The following NSD3 variants were observed in gnomAD, a reference collection of about 807,000 sequenced individuals.
NSD3 encodes nuclear receptor binding SET domain protein 3.
In NSD3, 24 loss-of-function variants were observed where a neutral mutation model predicts 160.8. That is an observed-to-expected ratio of 0.15 (90% CI 0.11 to 0.21). The LOEUF is 0.21. Among genes scored for constraint, NSD3 ranks in the 10% least tolerant of loss-of-function variants. NSD3 has a pLI of 1.00. For synonymous variants in NSD3, 520 were observed against 600.0 expected (o/e 0.87, Z 1.95); for missense variants, 1,157 against 1,735.9 (o/e 0.67, Z 5.93).
rs1183933623 is a variant in NSD3 at position 38,319,501 on chromosome 8, A to C, written c.1810-561T>G. ...ACAAACTTAAGAAAATAAGTTTGTG[A>C]TATTGCAAAAGCACTTTCTTGAGTG... is the stretch of plus-strand genomic sequence containing the variant. On this transcript the variant is annotated intron_variant, in intron 8 of 23. Transcript: ENST00000317025. The surrounding 1 kb of genome is among the most constrained non-coding windows in gnomAD (Gnocchi z 4.1). 6.6e-6 allele frequency among the ~76,000 whole-genome samples: 1 copy of C among 152,156 alleles called. No individual in the cohort carries two copies. The highest frequency in any genetic ancestry group is 2.1e-4 in the South Asian group (1 of 4,826).
In NSD3 at chr8:38,309,136, G is replaced by A. The variant is rs140792106; in HGVS notation, c.2243-3691C>T. On this transcript the variant is annotated intron_variant, in intron 12 of 23. Coordinates refer to ENST00000317025, the MANE Select transcript of NSD3 (RefSeq NM_023034.2). ...CCAGCCTGGGCAACATGGTAAACCT[G>A]TCTCTCTACTAAAAAAAAAAAACAA... Among the ~76,000 whole-genome samples, 46 of 150,602 alleles carry A rather than the reference G, an allele frequency of 3.1e-4. No homozygotes were observed. In the East Asian group the frequency reaches 8.6e-3, roughly 28 times the overall value.
At position 38,316,503 on chromosome 8, in the gene NSD3, C is replaced by T. The variant is rs1809667452; in HGVS notation, c.1856-461G>A. On this transcript the variant is annotated intron_variant, in intron 9 of 23. Coordinates refer to ENST00000317025, the MANE Select transcript of NSD3 (RefSeq NM_023034.2). This position sits in a 1 kb window ranked among gnomAD's most constrained non-coding sequence, Gnocchi z 4.5. ...CTTTGATTTGTATTCGATTCGTACA[C>T]GGATAGTGCCATTTTCCCCCAAATT... 5 of 1,045,790 alleles carry T rather than the reference C, an allele frequency of 4.8e-6. No homozygotes were observed. The highest frequency in any genetic ancestry group is 1.1e-4 in the East Asian group (2 of 17,626). The allele number at this position is 1,045,790 out of a possible 1,614,324, so 64.8% of individuals were successfully genotyped here. A position where few individuals can be genotyped will look rare whatever the true frequency, so the allele number is the denominator to read the frequency against.
chr8:38,330,253 G>A (rs944872004), intron 5 of NSD3, among the ~76,000 whole-genome samples: 4 of 152,080 alleles, frequency 2.6e-5, no homozygotes, highest in African/African-American at 9.7e-5. Flanking sequence ...CATTAAAAAT[G>A]ATACCCTGAA....
At chr8:38,355,587 C>T (rs1401948248) in intron 1 of NSD3, among the ~76,000 whole-genome samples, 2 of 152,080 alleles carry the variant, frequency 1.3e-5, no homozygotes, top group Non-Finnish European at 2.9e-5. Context: ...AAGAAAAATG[C>T]TGGGCAAGGA....
intron 1 of NSD3, among the ~76,000 whole-genome samples, chr8:38,366,211 A>T (rs2150392966): frequency 6.6e-6 from 1 of 151,946 alleles, no homozygotes; most frequent in Middle Eastern, 3.4e-3. Context: ...AATTGCACTG[A>T]TTAAAAGACT....
chr8:38,309,296 T>G (rs980116369), intron 12 of NSD3, among the ~76,000 whole-genome samples: 61 of 152,180 alleles, frequency 4.0e-4, no homozygotes, highest in African/African-American at 1.3e-3. Context: ...GGCAAAACCC[T>G]GGCTCTACTA....
chr8:38,323,645 C>T (rs982916332), intron 7 of NSD3, among the ~76,000 whole-genome samples: 11 of 151,668 alleles, frequency 7.3e-5, no homozygotes, highest in African/African-American at 2.7e-4. Context: ...AGGTGAGACA[C>T]TCATCTCTAC....
intron 1 of NSD3, among the ~76,000 whole-genome samples, chr8:38,352,384 A>G (rs537186194): frequency 6.6e-6 from 1 of 152,306 alleles, no homozygotes; most frequent in African/African-American, 2.4e-5. Context: ...AGGGATCCAG[A>G]GCGCTCTCAT....
Position 38,329,900 on chromosome 8 carries a change from A to C in NSD3, c.1066-7T>G. 2 of 1,562,888 alleles carry C rather than the reference A, an allele frequency of 1.3e-6. No homozygotes were observed. The highest frequency in any genetic ancestry group is 1.7e-6 in the Non-Finnish European group (2 of 1,161,470). ...GAGGTCGGGGTTTCCGAATCTTTAA[A>C]AAAGATAGAGATTATCAGACATGCT... On this transcript the variant is annotated splice_region_variant and splice_polypyrimidine_tract_variant and intron_variant, in intron 5 of 23. Transcript: ENST00000317025. This position sits in a 1 kb window ranked among gnomAD's most constrained non-coding sequence, Gnocchi z 4.8.
intron 12 of NSD3, among the ~76,000 whole-genome samples, chr8:38,309,549 A>G (rs191119008): frequency 6.6e-6 from 1 of 152,148 alleles, no homozygotes; most frequent in East Asian, 1.9e-4. Flanking sequence ...GCTAATCAGG[A>G]GGCTGGGGTG....
Position 38,321,316 on chromosome 8 carries a change from T to A in NSD3, c.1709-144A>T. The A allele has an allele frequency of 1.6e-6, 1 of 620,978 alleles. No individual in the cohort carries two copies. The highest frequency in any genetic ancestry group is 2.7e-6 in the Non-Finnish European group (1 of 370,466). The allele number at this position is 620,978 out of a possible 1,614,324, so 38.5% of individuals were successfully genotyped here. On this transcript the variant is annotated intron_variant, in intron 7 of 23. Transcript: ENST00000317025. The surrounding 1 kb of genome is among the most constrained non-coding windows in gnomAD (Gnocchi z 4.7). ...AAAATCATTAAAAAATGCTAAACAT[T>A]CAGGAGCATATAAATTATTTAACAG... is the stretch of plus-strand genomic sequence containing the variant.
At chr8:38,314,977 G>C (rs888533102) in intron 11 of NSD3, among the ~76,000 whole-genome samples, 3 of 152,222 alleles carry the variant, frequency 2.0e-5, no homozygotes, top group South Asian at 4.1e-4. Flanking sequence ...TTGAGAACCA[G>C]AGAACTAGAC....
intron 1 of NSD3, among the ~76,000 whole-genome samples, chr8:38,356,612 C>A (rs1019430032): frequency 1.3e-5 from 2 of 152,066 alleles, no homozygotes; most frequent in Non-Finnish European, 2.9e-5. Context: ...TTCAGATGAA[C>A]AACTTGAGCC....
intron 23 of NSD3, 40 bp downstream of exon 23, chr8:38,276,256 A>G: frequency 1.4e-5 from 22 of 1,600,084 alleles, no homozygotes; most frequent in Non-Finnish European, 1.8e-5. Flanking sequence ...TAGTTGGCAA[A>G]GACACAAATT....
Position 38,279,560 on chromosome 8 carries a change from G to A in NSD3, c.3740C>T (p.Ala1247Val). The change falls in exon 21 of 24, where the codon GCT becomes GTT. Residue 1247 changes from alanine (A) to valine (V), a missense_variant. By Grantham distance (64) the Ala-to-Val change is moderately conservative. Around this residue, in one of 10 missense-constraint regions of NSD3, gnomAD observed 222 missense variants for 409.9 expected, o/e 0.54. Transcript: ENST00000317025. ...TTTACCTGCAGGAATATCACAGAGA[G>A]CAAATAGTCCCACTCGAACATCTCC... ...VNGDVRVGLF[A>V]LCDIPAGMEL... 6.2e-7 allele frequency: 1 copy of A among 1,614,066 alleles called. No individual in the cohort carries two copies. The highest frequency in any genetic ancestry group is 8.5e-7 in the Non-Finnish European group (1 of 1,179,960).
intron 4 of NSD3, chr8:38,336,001 G>A (rs751012032): frequency 1.7e-4 from 26 of 152,290 alleles, no homozygotes; most frequent in Non-Finnish European, 2.6e-4. Context: ...TTGACAAGAC[G>A]AAAAATGGTT....
intron 14 of NSD3, chr8:38,299,925 C>T (rs1052084970): frequency 2.5e-5 from 5 of 196,264 alleles, no homozygotes; most frequent in African/African-American, 4.6e-5. Context: ...TGTACAATGA[C>T]GACAGCCCAA....
chr8:38,310,762 T>C (rs1468218480), intron 12 of NSD3, among the ~76,000 whole-genome samples: 4 of 152,124 alleles, frequency 2.6e-5, no homozygotes, highest in Admixed American at 2.6e-4. Context: ...TCCGCTCGTC[T>C]TGGCTTCCCA....
chr8:38,290,425 C>A (rs758052662), intron 17 of NSD3, 50 bp downstream of exon 17: 1 of 1,589,508 alleles, frequency 6.3e-7, no homozygotes, highest in Non-Finnish European at 8.6e-7. Context: ...TGTTGAGAAA[C>A]TGACACCGGA....
Sources: gnomAD v4.1 joint callset for allele counts (sites outside exome capture counted in the v4.1 genomes callset) on GRCh38, gnomAD v4.1.1 for gene constraint, gnomAD v4.1.1 regional missense constraint, Gnocchi (gnomAD v3.1) non-coding constraint, MANE v1.5 for transcripts, NCBI Gene and HGNC (gene_info 2026-07-23, HGNC 2026-07-21) for gene names.